Variants in DPP6 observed in about 807,000 individuals in gnomAD.
DPP6 encodes dipeptidyl peptidase like 6.
A neutral mutation model predicts 122.6 loss-of-function variants in DPP6; 69 were observed. The ratio of observed to expected loss-of-function variants is 0.56; its 90% CI spans 0.46 to 0.69. The LOEUF (loss-of-function observed/expected upper bound fraction) is 0.69. DPP6 is among the 30% of genes least tolerant of loss of function. DPP6 has a pLI of 0.00. For missense variants in DPP6, 928 were observed against 1,116.9 expected (o/e 0.83, Z 2.41); for synonymous variants, 418 against 433.1 (o/e 0.97, Z 0.43).
chr7:154,359,255 TA>T (rs1202847618), intron 1 of DPP6, among the ~76,000 whole-genome samples: 1 of 152,176 alleles, frequency 6.6e-6, no homozygotes, highest in African/African-American at 2.4e-5. Flanking sequence ...TGTGAAGCCT[TA>T]ACAAGGCATT....
chr7:154,545,489 T>C (rs567092142), intron 4 of DPP6, among the ~76,000 whole-genome samples: 1 of 123,274 alleles, frequency 8.1e-6, no homozygotes, highest in South Asian at 3.3e-4. Flanking sequence ...CCTTCCTTCC[T>C]TCCTTCCATC....
chr7:153,931,330 G>GA (rs964888166), intron 1 of DPP6, among the ~76,000 whole-genome samples: 8 of 147,258 alleles, frequency 5.4e-5, no homozygotes, highest in African/African-American at 1.0e-4. Flanking sequence ...ATTTTAAGAA[G>GA]AAAAAAAAAA....
intron 3 of DPP6, among the ~76,000 whole-genome samples, chr7:154,530,680 A>G (rs984291875): frequency 6.6e-6 from 1 of 152,208 alleles, no homozygotes; most frequent in Admixed American, 6.5e-5. Context: ...TAGTATAAAG[A>G]TATGTACACA....
In DPP6 at chr7:154,876,111, G is replaced by A. The variant is rs755702192; in HGVS notation, c.2078+11G>A. On this transcript the variant is annotated intron_variant, in intron 20 of 25. Transcript: ENST00000377770. ...GATGGAGGCCGTGCGGTGAGCACCC[G>A]CCCAGGAAGCAGGAGAGGCCGGGAG... is the stretch of plus-strand genomic sequence containing the variant. 108 of 1,568,412 alleles carry A rather than the reference G, an allele frequency of 6.9e-5. No homozygotes were observed. The highest frequency in any genetic ancestry group is 9.1e-5 in the Non-Finnish European group (105 of 1,156,898).
the DPP6 span, among the ~76,000 whole-genome samples, chr7:153,762,751 G>C: frequency 6.6e-6 from 1 of 152,096 alleles, no homozygotes; most frequent in Admixed American, 6.6e-5. Context: ...TTTCATGCCA[G>C]CTTGGGCAAC....
Position 153,984,888 on chromosome 7 carries a change from C to A in DPP6, c.51+97154C>A, listed in dbSNP as rs556464203. Among the ~76,000 whole-genome samples the A allele has an allele frequency of 1.7e-4, 26 of 152,288 alleles. No individual in the cohort carries two copies. The South Asian group carries it at 4.4e-3, about 26-fold the overall frequency. ...GTGCATCTTCCAGTCTCATCTCTGC[C>A]ATTTGTTCCAGTGTCTAGGAGGAAA... On this transcript the variant is annotated intron_variant, in intron 1 of 25. Transcript: ENST00000404039.
chr7:154,770,581 C>T (rs1308493549), intron 9 of DPP6, among the ~76,000 whole-genome samples: 3 of 152,220 alleles, frequency 2.0e-5, no homozygotes, highest in Non-Finnish European at 2.9e-5. Flanking sequence ...AATCAGCCAG[C>T]ACCTTGATCT....
the DPP6 span, among the ~76,000 whole-genome samples, chr7:153,872,554 A>C: frequency 6.6e-6 from 1 of 152,242 alleles, no homozygotes; most frequent in Admixed American, 6.5e-5. Flanking sequence ...AAAATGATAG[A>C]TAACATATAC....
chr7:154,714,090 A>G (rs1841346732), intron 7 of DPP6, among the ~76,000 whole-genome samples: 1 of 152,156 alleles, frequency 6.6e-6, no homozygotes, highest in Admixed American at 6.5e-5. Flanking sequence ...TCAGTTCCCA[A>G]CAAGTTCCTT....
rs371192735 is a variant in DPP6 at position 153,999,984 on chromosome 7, A to G, written c.51+112250A>G. ...TCAAAGAAAGAAAGAAAGAAAGAAA[A>G]AAAAAACTCAAGCTCCTCAAAGGTG... On this transcript the variant is annotated intron_variant, in intron 1 of 25. Coordinates refer to the DPP6 transcript ENST00000404039. Among the ~76,000 whole-genome samples, 746 of 151,590 alleles carry G rather than the reference A, an allele frequency of 4.9e-3. 3 individuals carry two copies. The highest frequency in any genetic ancestry group is 0.016 in the African/African-American group (669 of 41,458).
In DPP6 at chr7:154,403,572, A is replaced by C. The variant is rs1162276052; in HGVS notation, c.244-42642A>C. Among the ~76,000 whole-genome samples the C allele has an allele frequency of 6.6e-6, 1 of 152,208 alleles. No homozygotes were observed. The highest frequency in any genetic ancestry group is 1.5e-5 in the Non-Finnish European group (1 of 68,034). ...ATCCAACTCTGGGCTGGGAAAGCAAAGAGCACTGGGCAATCACGCCTTTCT... is the reference window on the plus strand; with the variant it reads ...ATCCAACTCTGGGCTGGGAAAGCAACGAGCACTGGGCAATCACGCCTTTCT... On this transcript the variant is annotated intron_variant, in intron 1 of 25. Coordinates refer to ENST00000377770, the MANE Select transcript of DPP6 (RefSeq NM_130797.4). The surrounding 1 kb of genome is among the most constrained non-coding windows in gnomAD (Gnocchi z 4.1).
At chr7:154,067,534 G>A (rs1802817925) in intron 1 of DPP6, among the ~76,000 whole-genome samples, 1 of 152,124 alleles carries the variant, frequency 6.6e-6, no homozygotes, top group Non-Finnish European at 1.5e-5. Context: ...TGCATGTGGG[G>A]CAAAGCCATT....
the DPP6 span, among the ~76,000 whole-genome samples, chr7:153,753,064 C>T: frequency 6.6e-6 from 1 of 152,160 alleles, no homozygotes; most frequent in South Asian, 2.1e-4. Context: ...TTTGAGACCC[C>T]ATTTTATCTA....
At chr7:154,173,383 C>A (rs1385261052) in intron 1 of DPP6, among the ~76,000 whole-genome samples, 1 of 152,164 alleles carries the variant, frequency 6.6e-6, no homozygotes, top group Admixed American at 6.5e-5. Flanking sequence ...TTCGTGTAAG[C>A]CCTGGCTCCT....
intron 5 of DPP6, among the ~76,000 whole-genome samples, chr7:154,596,678 G>A (rs1285289706): frequency 2.6e-5 from 4 of 152,218 alleles, no homozygotes; most frequent in Non-Finnish European, 5.9e-5. Context: ...AATTACCAGA[G>A]GAGAGGAGCA....
chr7:154,763,236 G>T (rs1410220397), intron 8 of DPP6, among the ~76,000 whole-genome samples: 3 of 152,182 alleles, frequency 2.0e-5, no homozygotes, highest in East Asian at 1.9e-4. Flanking sequence ...GAAGGCTGAG[G>T]CAGGAGAATC....
chr7:153,929,582 C>G (rs6464376), intron 1 of DPP6, among the ~76,000 whole-genome samples: 143,655 of 151,954 alleles, frequency 0.95, 67,921 homozygotes, highest in East Asian at 1. Context: ...GAGGAGAGAG[C>G]AGCCCTGGGG....
chr7:153,882,503 G>A (rs1263370009), upstream of DPP6, among the ~76,000 whole-genome samples: 1 of 152,336 alleles, frequency 6.6e-6, no homozygotes, highest in East Asian at 1.9e-4. Context: ...ATCTGCTCCT[G>A]TGCTGTAACT....
chr7:153,870,059 CCTTT>C, the DPP6 span, among the ~76,000 whole-genome samples: 1 of 152,182 alleles, frequency 6.6e-6, no homozygotes, highest in Non-Finnish European at 1.5e-5. Context: ...GGTAACCCTA[CCTTT>C]CTCTCTGGCT....
Sources: gnomAD v4.1 joint callset for allele counts (sites outside exome capture counted in the v4.1 genomes callset) on GRCh38, gnomAD v4.1.1 for gene constraint, Gnocchi (gnomAD v3.1) non-coding constraint, MANE v1.5 for transcripts, NCBI Gene and HGNC (gene_info 2026-07-23, HGNC 2026-07-21) for gene names.